The following PIAS2 variants were observed in gnomAD, a reference collection of about 807,000 sequenced individuals.
PIAS2 encodes the protein E3 SUMO-protein ligase PIAS2.
Under a neutral mutation model 69.7 loss-of-function variants are expected in PIAS2, and 19 were observed. The ratio of observed to expected loss-of-function variants is 0.27; its 90% CI spans 0.19 to 0.40. The LOEUF (loss-of-function observed/expected upper bound fraction) is 0.40. Ranked by LOEUF, PIAS2 falls within the 10% of genes least tolerant of loss-of-function variation. The pLI, the probability that PIAS2 is intolerant of heterozygous loss-of-function variation, is 1.00. For synonymous variants in PIAS2, 261 were observed against 263.2 expected (o/e 0.99, Z 0.08); for missense variants, 624 against 757.0 (o/e 0.82, Z 2.06).
intron 1 of PIAS2, among the ~76,000 whole-genome samples, chr18:46,897,268 T>C (rs779479504): frequency 4.6e-5 from 7 of 152,134 alleles, no homozygotes; most frequent in African/African-American, 7.2e-5. Flanking sequence ...CCCAGACTCC[T>C]TGGGGAAATA....
At chr18:46,916,861 G>A (rs1555812347) in intron 1 of PIAS2, 6 of 985,348 alleles carry the variant, frequency 6.1e-6, no homozygotes, top group Non-Finnish European at 7.2e-6. Flanking sequence ...CATAAGAAGA[G>A]GAGAGATTCC....
At chr18:46,901,886 A>G (rs1242360219) in intron 1 of PIAS2, among the ~76,000 whole-genome samples, 1 of 152,156 alleles carries the variant, frequency 6.6e-6, no homozygotes, top group Non-Finnish European at 1.5e-5. Flanking sequence ...GCCTACTATC[A>G]CCCCTCATTC....
intron 2 of PIAS2, among the ~76,000 whole-genome samples, chr18:46,872,069 GC>G (rs1293139833): frequency 1.3e-5 from 2 of 152,164 alleles, no homozygotes; most frequent in Admixed American, 6.5e-5. Flanking sequence ...GGCAGGATAG[GC>G]CTAAAACCTG....
chr18:46,818,155 GAC>G (rs2041767373), intron 12 of PIAS2: 1 of 1,112,284 alleles, frequency 9.0e-7, no homozygotes, highest in Non-Finnish European at 1.1e-6. Context: ...TCTCATTGAT[GAC>G]AACACATTTT....
At chr18:46,913,252 C>T (rs749007391) in intron 1 of PIAS2, among the ~76,000 whole-genome samples, 2 of 152,130 alleles carry the variant, frequency 1.3e-5, no homozygotes, top group African/African-American at 2.4e-5. Context: ...GATGGTGACT[C>T]CTGGTAGGTG....
At chr18:46,838,606 T>C (rs1480190779) in intron 8 of PIAS2, among the ~76,000 whole-genome samples, 1 of 152,252 alleles carries the variant, frequency 6.6e-6, no homozygotes, top group Non-Finnish European at 1.5e-5. Context: ...TCTCTTCTTA[T>C]GATACATCTT....
chr18:46,886,724 C>T (rs959564264), intron 2 of PIAS2, among the ~76,000 whole-genome samples: 4 of 152,022 alleles, frequency 2.6e-5, no homozygotes, highest in African/African-American at 9.7e-5. Context: ...GTAGCCTCAG[C>T]TACTCGGGAG....
At chr18:46,837,737 C>T (rs2044670093) in intron 8 of PIAS2, among the ~76,000 whole-genome samples, 1 of 152,248 alleles carries the variant, frequency 6.6e-6, no homozygotes, top group African/African-American at 2.4e-5. Context: ...TTTGATCAGA[C>T]CAGGTTTTCC....
chr18:46,856,010 T>TG (rs1261754487), intron 3 of PIAS2, among the ~76,000 whole-genome samples: 2 of 133,490 alleles, frequency 1.5e-5, no homozygotes, highest in Non-Finnish European at 1.6e-5. Flanking sequence ...TTTTTTTTTT[T>TG]TTTTTTTTTT....
At chr18:46,831,143 T>C (rs1003215475) in intron 9 of PIAS2, among the ~76,000 whole-genome samples, 3 of 152,098 alleles carry the variant, frequency 2.0e-5, no homozygotes, top group South Asian at 2.1e-4. Flanking sequence ...ACTGACTATA[T>C]AGAAAATCCT....
intron 8 of PIAS2, among the ~76,000 whole-genome samples, chr18:46,840,779 G>A (rs984272063): frequency 6.6e-6 from 1 of 152,142 alleles, no homozygotes; most frequent in Non-Finnish European, 1.5e-5. Context: ...TTAATCAGAT[G>A]ATGATGCTTT....
At chr18:46,871,993 A>G (rs2050424414) in intron 2 of PIAS2, among the ~76,000 whole-genome samples, 1 of 152,212 alleles carries the variant, frequency 6.6e-6, no homozygotes, top group Admixed American at 6.5e-5. Context: ...AGTTGCTCCA[A>G]TACATATGAA....
chr18:46,879,385 T>TAA (rs34230564), intron 2 of PIAS2, among the ~76,000 whole-genome samples: 40 of 150,830 alleles, frequency 2.7e-4, no homozygotes, highest in African/African-American at 6.6e-4. Flanking sequence ...ATGGTCACTA[T>TAA]AAAAAAAAAT....
At chr18:46,818,089 A>C in intron 12 of PIAS2, 1 of 1,012,702 alleles carries the variant, frequency 9.9e-7, no homozygotes, top group Non-Finnish European at 1.2e-6. Flanking sequence ...ACACTGATAA[A>C]ATTTTAATTT....
In PIAS2 at chr18:46,907,083, A is replaced by T. The variant is rs77050695; in HGVS notation, c.24+10239T>A. Among the ~76,000 whole-genome samples, 43 of 152,330 alleles carry T rather than the reference A, an allele frequency of 2.8e-4. No individual in the cohort carries two copies. In the East Asian group the frequency reaches 8.3e-3, roughly 29 times the overall value. ...GTCTCTTGATGCCTTCCCCGGAGATATCTGCCAATGGAAAAGGGCAATGGA... is the reference window on the plus strand; with the variant it reads ...GTCTCTTGATGCCTTCCCCGGAGATTTCTGCCAATGGAAAAGGGCAATGGA... On this transcript the variant is annotated intron_variant, in intron 1 of 13. Coordinates refer to ENST00000585916, the MANE Select transcript of PIAS2 (RefSeq NM_004671.5).
intron 1 of PIAS2, chr18:46,915,709 G>C (rs2057757593): frequency 6.6e-6 from 1 of 151,286 alleles, no homozygotes; most frequent in South Asian, 2.1e-4. Flanking sequence ...CTATAAGAGC[G>C]AGTAAATTCT....
At chr18:46,888,026 C>G (rs1053110589) in intron 2 of PIAS2, among the ~76,000 whole-genome samples, 1 of 151,910 alleles carries the variant, frequency 6.6e-6, no homozygotes, top group African/African-American at 2.4e-5. Context: ...TAGCAGAATA[C>G]AAAGTCAACA....
At chr18:46,827,835 C>T (rs1403651795) in intron 11 of PIAS2, 124 bp downstream of exon 11, 2 of 820,556 alleles carry the variant, frequency 2.4e-6, no homozygotes, top group African/African-American at 3.4e-5. Context: ...TATTTCAACT[C>T]AACAAAGGCA....
chr18:46,815,642 C>A lies in PIAS2; in HGVS notation c.1649-293G>T, dbSNP rs1035423083. On this transcript the variant is annotated intron_variant, in intron 12 of 13. Transcript: ENST00000585916. The stretch of plus-strand genomic sequence containing the variant: ...AAATATTTCCCCCTTTGCCGCTTAA[C>A]AGAATGAGAAGCAATAAAAATGATG... The A allele has an allele frequency of 2.0e-5, 21 of 1,057,046 alleles. No homozygotes were observed. The African/African-American group carries it at 3.2e-4, about 16-fold the overall frequency. The allele number at this position is 1,057,046 out of a possible 1,614,324, so 65.5% of individuals were successfully genotyped here. A position where few individuals can be genotyped will look rare whatever the true frequency, so the allele number is the denominator to read the frequency against.
Sources: gnomAD v4.1 joint callset for allele counts (sites outside exome capture counted in the v4.1 genomes callset) on GRCh38, gnomAD v4.1.1 for gene constraint, MANE v1.5 for transcripts, NCBI Gene and HGNC (gene_info 2026-07-23, HGNC 2026-07-21) for gene names.